Variants in ABCA7 observed in about 807,000 individuals in gnomAD.
The protein encoded by ABCA7 is phospholipid-transporting ATPase ABCA7.
In ABCA7, 261 loss-of-function variants were observed where a neutral mutation model predicts 227.6. That is an observed-to-expected ratio of 1.15 (90% confidence interval 1.04 to 1.27). ABCA7 has a LOEUF of 1.27. Ranked by LOEUF, ABCA7 falls within the 50% of genes most tolerant of loss-of-function variation. ABCA7 has a pLI of 0.00. For missense variants in ABCA7, 3,331 were observed against 2,924.5 expected, an observed-to-expected ratio of 1.14 and a Z score of -3.21; for synonymous variants, 1,488 against 1,279.7, an observed-to-expected ratio of 1.16 and a Z score of -3.47.
intron 40 of ABCA7, among the ~76,000 whole-genome samples, chr19:1,061,305 G>A (rs2042636404): frequency 6.7e-6 from 1 of 150,042 alleles, no homozygotes; most frequent in Non-Finnish European, 1.5e-5. Flanking sequence ...CCTGAGACAG[G>A]AGAATTGCTT....
At chr19:1,060,207 A>ATATATATATATATATATATTTTTTTTTTT in intron 40 of ABCA7, among the ~76,000 whole-genome samples, 1 of 96,764 alleles carries the variant, frequency 1.0e-5, no homozygotes, top group African/African-American at 3.5e-5. Flanking sequence ...ATATATATAT[A>ATATATATATATATATATATTTTTTTTTTT]TTTTTTTTTC....
At position 1,048,945 on chromosome 19, in the gene ABCA7, T is replaced by C. The variant is rs1192833897; in HGVS notation, c.2320T>C (p.Trp774Arg). ...PWNFPFRRSY[W>R]CGPRPPKSPA... ...GAATTTTCCTTTTCGGAGGAGCTAC[T>C]GGTGCGGACCTCGGCCCCCCAAGAG... Residue 774 changes from tryptophan to arginine, a missense_variant, in exon 17 of 47, where the codon TGG (tryptophan) becomes CGG (arginine). By Grantham distance (101) the Trp-to-Arg change is moderately radical (BLOSUM62 -3). Transcript: ENST00000263094. 1.2e-6 allele frequency: 2 copies of C among 1,610,008 alleles called. No homozygotes were observed. Among genetic ancestry groups the C allele is most frequent in the Non-Finnish European group, 1.7e-6 (2 of 1,178,602 alleles).
At chr19:1,060,207 A>ATATATATATATATATATATT in intron 40 of ABCA7, among the ~76,000 whole-genome samples, 1 of 96,770 alleles carries the variant, frequency 1.0e-5, no homozygotes, top group African/African-American at 3.5e-5. Context: ...ATATATATAT[A>ATATATATATATATATATATT]TTTTTTTTTC....
chr19:1,044,665 C>T lies in ABCA7; in HGVS notation c.1136C>T (p.Pro379Leu). Residue 379 changes from proline (P) to leucine (L), a missense_variant, in exon 11 of 47, where the codon CCT becomes CTT. Physicochemically the swap from Pro to Leu is moderately conservative, Grantham distance 98. Transcript: ENST00000263094. ...GAGGCCCTGCGATCCTTTCTGGACC[C>T]TGGGAGCGGTGGCTACAGCTGGCAG... ...HMEALRSFLD[P>L]GSGGYSWQDA... The T allele has an allele frequency of 6.2e-7, 1 of 1,613,168 alleles. No individual in the cohort carries two copies. The highest frequency in any genetic ancestry group is 2.2e-5 in the East Asian group (1 of 44,872).
chr19:1,049,227 C>T, intron 17 of ABCA7, 39 bp from the exon 18 acceptor site: 2 of 1,560,678 alleles, frequency 1.3e-6, no homozygotes, highest in Non-Finnish European at 1.7e-6. Context: ...CCCCAGGACC[C>T]CCATGACCTC....
chr19:1,042,072 G>A lies in ABCA7; in HGVS notation c.311G>A (p.Arg104Gln), dbSNP rs201963646. Residue 104 changes from arginine (R) to glutamine (Q), a missense_variant, in exon 5 of 47, where the codon CGG (arginine) becomes CAG (glutamine). Arg to Gln is a conservative substitution (Grantham distance 43). Transcript: ENST00000263094. ...LSNFNDSLVS[R>Q]LLADARTVLG... ...CCTCTCTCTGTCCCCAGGGTCTCCC[G>A]GCTGCTAGCCGATGCCCGCACTGTG... 2.9e-5 allele frequency: 47 copies of A among 1,593,416 alleles called. 1 individual carries two copies. The highest frequency in any genetic ancestry group is 2.9e-4 in the Admixed American group (17 of 58,800).
In ABCA7 at chr19:1,047,277, G is replaced by T; in HGVS notation, c.1966G>T (p.Ala656Ser). The part of the protein sequence containing the change: ...LSAFFSRANL[A>S]AACGGLAYFS... ...CGCCTTCTTCTCCCGCGCCAACCTGGCTGCGGCCTGCGGCGGCCTGGCCTA... is the reference window on the plus strand; with the variant it reads ...CGCCTTCTTCTCCCGCGCCAACCTGTCTGCGGCCTGCGGCGGCCTGGCCTA... The change falls in exon 15 of 47, where the codon GCT (alanine) becomes TCT (serine). Residue 656 changes from alanine (A) to serine (S), a missense_variant. Coordinates refer to ENST00000263094, the MANE Select transcript of ABCA7 (RefSeq NM_019112.4). The T allele has an allele frequency of 1.2e-6, 2 of 1,606,076 alleles. No homozygotes were observed. The highest frequency in any genetic ancestry group is 8.5e-7 in the Non-Finnish European group (1 of 1,179,094).
At chr19:1,059,993 A>G (rs187442956) in intron 40 of ABCA7, among the ~76,000 whole-genome samples, 4 of 152,264 alleles carry the variant, frequency 2.6e-5, no homozygotes, top group African/African-American at 4.8e-5. Flanking sequence ...TCAAATACCA[A>G]TAGAATTTAT....
intron 14 of ABCA7, 54 bp from the exon 15 acceptor site, chr19:1,047,103 G>C (rs890806179): frequency 6.4e-7 from 1 of 1,559,562 alleles, no homozygotes; most frequent in Non-Finnish European, 8.6e-7. Flanking sequence ...ACGTGGGTGC[G>C]CGCCCCCAGG....
In ABCA7 at chr19:1,047,197, T is replaced by C. The variant is rs1429693649; in HGVS notation, c.1886T>C (p.Phe629Ser). ...ILPYSHPGVV[F>S]LFLAAFAVAT... ...CCCTACAGCCACCCGGGCGTGGTCTTCCTGTTCTTGGCAGCCTTCGCGGTG... is the reference window on the plus strand; with the variant it reads ...CCCTACAGCCACCCGGGCGTGGTCTCCCTGTTCTTGGCAGCCTTCGCGGTG... The change falls in exon 15 of 47, where the codon TTC (phenylalanine) becomes TCC (serine). Residue 629 changes from phenylalanine to serine, a missense_variant. By Grantham distance (155) the Phe-to-Ser change is radical. Transcript: ENST00000263094. The C allele has an allele frequency of 1.2e-6, 2 of 1,605,870 alleles. No individual in the cohort carries two copies.
chr19:1,063,520 G>A (rs772774035), intron 42 of ABCA7, 24 bp from the exon 43 acceptor site: 3 of 1,607,788 alleles, frequency 1.9e-6, no homozygotes, highest in Non-Finnish European at 2.5e-6. Flanking sequence ...GAGTCCCCAT[G>A]CCTACTCTGG....
chr19:1,053,586 G>C, intron 24 of ABCA7, 55 bp downstream of exon 24: 4 of 1,541,172 alleles, frequency 2.6e-6, no homozygotes, highest in Non-Finnish European at 2.6e-6. Flanking sequence ...TCCTGGAGGA[G>C]GTGGTGTTTT....
At chr19:1,047,843 G>A (rs2040868580) in intron 16 of ABCA7, among the ~76,000 whole-genome samples, 189 bp downstream of exon 16, 1 of 152,180 alleles carries the variant, frequency 6.6e-6, no homozygotes, top group Admixed American at 6.5e-5. Context: ...GGTGGGCGGG[G>A]TTTCTGGGCC....
chr19:1,049,997 CTGTGAG>C (rs2041372394), intron 18 of ABCA7, among the ~76,000 whole-genome samples: 1 of 136,772 alleles, frequency 7.3e-6, no homozygotes, highest in East Asian at 2.1e-4. Context: ...CACTCCCTCC[CTGTGAG>C]CCCCCCACCA....
In ABCA7 at chr19:1,054,269, C is replaced by T. The variant is rs1320979654; in HGVS notation, c.3654C>T (p.Arg1218=). 6.2e-7 allele frequency: 1 copy of T among 1,608,562 alleles called. No individual in the cohort carries two copies. The change falls in exon 27 of 47, where the codon CGC becomes CGT. Residue 1218 remains arginine, a synonymous_variant. Transcript: ENST00000263094. This position sits in a 1 kb window ranked among gnomAD's most constrained non-coding sequence, Gnocchi z 4.8. ...VGRVQGWALT[R]QQLQALLLKR... is the part of the protein sequence containing the mutation. ...GGGTACAGGGCTGGGCACTGACCCG[C>T]CAGCAGCTCCAGGCCCTGCTTCTCA...
At chr19:1,057,849 A>AT in intron 35 of ABCA7, 66 bp from the exon 36 acceptor site, 1 of 1,567,114 alleles carries the variant, frequency 6.4e-7, no homozygotes, top group Non-Finnish European at 8.7e-7. Flanking sequence ...GGGAATGGAG[A>AT]TTTTTATTCC....
At chr19:1,062,396 G>T in intron 42 of ABCA7, 83 bp downstream of exon 42, 2 of 1,548,222 alleles carry the variant, frequency 1.3e-6, no homozygotes, top group Non-Finnish European at 1.7e-6. Flanking sequence ...GCCCAATCCC[G>T]CACTCTCTCG....
chr19:1,059,546 T>C (rs2042518734), intron 40 of ABCA7, among the ~76,000 whole-genome samples: 1 of 146,256 alleles, frequency 6.8e-6, no homozygotes, highest in African/African-American at 2.6e-5. Flanking sequence ...ATTACAAGCG[T>C]GAGCCACCAC....
chr19:1,052,281 G>A lies in ABCA7; in HGVS notation c.3215G>A (p.Arg1072Lys). Residue 1072 changes from arginine (R) to lysine (K), a missense_variant, in exon 23 of 47, where the codon AGA becomes AAA. Arg to Lys is a conservative substitution (Grantham distance 26). Coordinates refer to ENST00000263094, the MANE Select transcript of ABCA7 (RefSeq NM_019112.4). Reference protein sequence around the residue: ...QEKKNGSQGSRVGTPQLLALV... With the variant: ...QEKKNGSQGSKVGTPQLLALV... ...AAGAAGAATGGCAGCCAGGGCAGCA[G>A]AGTCGGTGAGGGCCGGGGTGGGAGA... 1.3e-6 allele frequency: 2 copies of A among 1,538,590 alleles called. No homozygotes were observed. The highest frequency in any genetic ancestry group is 1.2e-5 in the South Asian group (1 of 83,330).
Sources: allele counts gnomAD v4.1 joint callset (sites outside exome capture counted in the v4.1 genomes callset), GRCh38; gene constraint gnomAD v4.1.1; non-coding constraint Gnocchi (gnomAD v3.1); transcripts MANE v1.5; gene names NCBI Gene and HGNC (gene_info 2026-07-23, HGNC 2026-07-21).